NPY2R: variants seen among roughly 807,000 people sequenced by gnomAD.
NPY2R encodes neuropeptide Y receptor Y2, also known as neuropeptide Y receptor type 2.
A neutral mutation model predicts 22.3 loss-of-function variants in NPY2R; 17 were observed. The ratio of observed to expected loss-of-function variants is 0.76; its 90% CI spans 0.52 to 1.14. The LOEUF is 1.14. Among genes scored for constraint, NPY2R ranks in the 50% most tolerant of loss-of-function variants. The probability of loss-of-function intolerance (pLI) is 0.00; values close to 1 mark genes in which losing one functional copy is unlikely to be tolerated. For synonymous variants in NPY2R, 209 were observed against 183.4 expected (o/e 1.14, Z -1.13); for missense variants, 424 against 467.9 (o/e 0.91, Z 0.87).
At chr4:155,184,032 C>T in the NPY2R span, among the ~76,000 whole-genome samples, 1 of 152,212 alleles carries the variant, frequency 6.6e-6, no homozygotes, top group Admixed American at 6.5e-5. Flanking sequence ...CCGCTTTAGA[C>T]TCAGAATAGG....
Position 155,215,200 on chromosome 4 carries a change from T to G in NPY2R, c.*115T>G. On this transcript the variant is annotated 3_prime_UTR_variant, in exon 2 of 2. Coordinates refer to ENST00000329476, the MANE Select transcript of NPY2R (RefSeq NM_000910.4). ...ATTTTAAAGAAGAAGTGGATCTAAATGGAAGCATCTGCTGTTTAATTCCTG... is the reference window on the plus strand; with the variant it reads ...ATTTTAAAGAAGAAGTGGATCTAAAGGGAAGCATCTGCTGTTTAATTCCTG... 1.0e-6 allele frequency: 1 copy of G among 966,276 alleles called. No homozygotes were observed. 59.9% of individuals were successfully genotyped at this position (966,276 alleles called of 1,614,324 possible).
At chr4:155,178,063 A>G in the NPY2R span, among the ~76,000 whole-genome samples, 3 of 152,204 alleles carry the variant, frequency 2.0e-5, no homozygotes, top group Non-Finnish European at 4.4e-5. Context: ...CTAAGAATTT[A>G]GTTGCTTGCT....
chr4:155,214,459 G>A lies in NPY2R; in HGVS notation c.520G>A (p.Gly174Ser). The A allele has an allele frequency of 6.2e-7, 1 of 1,614,068 alleles. No individual in the cohort carries two copies. Among genetic ancestry groups the A allele is most frequent in the African/African-American group, 1.3e-5 (1 of 75,008 alleles). ...ISFLIIGLAW[G>S]ISALLASPLA... ...CTTCCTGATTATTGGCTTGGCCTGGGGCATCAGTGCCCTGCTGGCAAGTCC... is the reference window on the plus strand; with the variant it reads ...CTTCCTGATTATTGGCTTGGCCTGGAGCATCAGTGCCCTGCTGGCAAGTCC... The change falls in exon 2 of 2, where the codon GGC (glycine) becomes AGC (serine). Residue 174 changes from glycine to serine, a missense_variant. Physicochemically the swap from Gly to Ser is moderately conservative, Grantham distance 56. Transcript: ENST00000329476.
the NPY2R span, among the ~76,000 whole-genome samples, chr4:155,174,484 A>ATATTT: frequency 1.3e-4 from 14 of 106,062 alleles, no homozygotes; most frequent in East Asian, 5.7e-4. Context: ...ATATATATAT[A>ATATTT]TTTTTTTTTT....
At chr4:155,177,654 C>G in the NPY2R span, among the ~76,000 whole-genome samples, 8 of 151,986 alleles carry the variant, frequency 5.3e-5, no homozygotes, top group African/African-American at 1.9e-4. Context: ...TTTGTGGTAG[C>G]CCCAACCCTG....
At chr4:155,174,484 A>ATATATATATTT in the NPY2R span, among the ~76,000 whole-genome samples, 153 of 106,058 alleles carry the variant, frequency 1.4e-3, 1 homozygote, top group African/African-American at 5.6e-3. Flanking sequence ...ATATATATAT[A>ATATATATATTT]TTTTTTTTTT....
the NPY2R span, among the ~76,000 whole-genome samples, chr4:155,177,950 C>A: frequency 1.3e-5 from 2 of 152,136 alleles, no homozygotes; most frequent in African/African-American, 2.4e-5. Context: ...TGGTTGGAAA[C>A]TTACCTCATA....
intron 1 of NPY2R, among the ~76,000 whole-genome samples, chr4:155,210,787 T>C (rs529266659): frequency 2.0e-5 from 3 of 152,046 alleles, no homozygotes; most frequent in Non-Finnish European, 2.9e-5. Context: ...GTAAGGCTCC[T>C]GTGGAAGGGT....
At position 155,214,218 on chromosome 4, in the gene NPY2R, T is replaced by C. The variant is rs560218761; in HGVS notation, c.279T>C (p.Ala93=). The change falls in exon 2 of 2, where the codon GCT becomes GCC. Residue 93 remains alanine (A), a synonymous_variant. Transcript: ENST00000329476. The stretch of plus-strand genomic sequence containing the variant: ...CCAACTTTTTCATTGCCAATCTGGC[T>C]GTGGCAGATCTTTTGGTGAACACTC... ...TVTNFFIANL[A]VADLLVNTLC... The C allele has an allele frequency of 6.2e-7, 1 of 1,614,206 alleles. No individual in the cohort carries two copies. Among genetic ancestry groups the C allele is most frequent in the South Asian group, 1.1e-5 (1 of 91,082 alleles).
At position 155,214,074 on chromosome 4, in the gene NPY2R, G is replaced by A. The variant is rs201656988; in HGVS notation, c.135G>A (p.Lys45=). ...DPEPELIDST[K]LIEVQVVLIL... ...AGCCAGAGCTTATAGATAGTACCAA[G>A]CTGATTGAGGTACAAGTTGTTCTCA... is the stretch of plus-strand genomic sequence containing the variant. The change falls in exon 2 of 2, where the codon AAG becomes AAA. Residue 45 remains lysine, a synonymous_variant. Transcript: ENST00000329476. The A allele has an allele frequency of 3.1e-6, 5 of 1,614,010 alleles. No individual in the cohort carries two copies. The highest frequency in any genetic ancestry group is 1.3e-5 in the African/African-American group (1 of 75,030).
the NPY2R span, among the ~76,000 whole-genome samples, chr4:155,181,508 A>G: frequency 3.7e-4 from 57 of 152,318 alleles, no homozygotes; most frequent in African/African-American, 1.3e-3. Context: ...TCCCCTCAAA[A>G]TTCATATATG....
upstream of NPY2R, among the ~76,000 whole-genome samples, chr4:155,204,858 T>A (rs1205244571): frequency 8.9e-6 from 1 of 112,982 alleles, no homozygotes; most frequent in Non-Finnish European, 1.7e-5. Flanking sequence ...TGTCATTCTG[T>A]ATACTGGGGC....
the NPY2R span, among the ~76,000 whole-genome samples, chr4:155,202,039 T>A: frequency 6.6e-6 from 1 of 152,194 alleles, no homozygotes; most frequent in African/African-American, 2.4e-5. Flanking sequence ...TGTTTGAGAA[T>A]AATGTCTTTA....
the NPY2R span, among the ~76,000 whole-genome samples, chr4:155,198,265 A>G: frequency 6.6e-6 from 1 of 151,978 alleles, no homozygotes; most frequent in East Asian, 1.9e-4. Flanking sequence ...TGCACTTAGC[A>G]TCATCTGAAA....
the NPY2R span, among the ~76,000 whole-genome samples, chr4:155,182,916 C>A: frequency 2.0e-4 from 31 of 152,076 alleles, no homozygotes; most frequent in Non-Finnish European, 4.4e-4. Flanking sequence ...CCTCAGCCTC[C>A]CGAGTAGCTG....
chr4:155,209,118 C>T (rs2111035546), intron 1 of NPY2R, 49 bp downstream of exon 1: 1 of 152,348 alleles, frequency 6.6e-6, no homozygotes. Context: ...AAGAAAATCC[C>T]TAGAGGAGCG....
chr4:155,215,150 G>A lies in NPY2R; in HGVS notation c.*65G>A. The A allele has an allele frequency of 7.1e-7, 1 of 1,415,014 alleles. No individual in the cohort carries two copies. The highest frequency in any genetic ancestry group is 1.0e-6 in the Non-Finnish European group (1 of 1,002,408). 87.7% of individuals were successfully genotyped at this position (1,415,014 alleles called of 1,614,324 possible). ...AGAGCTATGAATCTGGTTGATGGCG[G>A]CTCACAAGTGAAAACTGATTTCCCA... is the stretch of plus-strand genomic sequence containing the variant. On this transcript the variant is annotated 3_prime_UTR_variant, in exon 2 of 2. Transcript: ENST00000329476.
chr4:155,206,536 T>A (rs1454559254), upstream of NPY2R: 1 of 152,236 alleles, frequency 6.6e-6, no homozygotes, highest in Non-Finnish European at 1.5e-5. Flanking sequence ...CAGTTTCTCA[T>A]CCAATTCTGA....
At chr4:155,191,330 G>A in the NPY2R span, among the ~76,000 whole-genome samples, 4 of 151,848 alleles carry the variant, frequency 2.6e-5, no homozygotes, top group African/African-American at 9.7e-5. Flanking sequence ...TGTCCAATAG[G>A]AGGTACAAAA....
Sources: gnomAD v4.1 joint callset for allele counts (sites outside exome capture counted in the v4.1 genomes callset) on GRCh38, gnomAD v4.1.1 for gene constraint, MANE v1.5 for transcripts, NCBI Gene and HGNC (gene_info 2026-07-23, HGNC 2026-07-21) for gene names.